Variants in ERBB4 observed in about 807,000 individuals in gnomAD.
The protein encoded by ERBB4 is receptor tyrosine-protein kinase erbB-4.
A neutral mutation model predicts 158.0 loss-of-function variants in ERBB4; 42 were observed. The observed-to-expected ratio is 0.27, with a 90% CI of 0.21 to 0.34. The LOEUF is 0.34. Ranked by LOEUF, ERBB4 falls within the 10% of genes least tolerant of loss-of-function variation. The pLI is 1.00. For synonymous variants in ERBB4, 583 were observed against 558.7 expected (o/e 1.04, Z -0.61); for missense variants, 1,333 against 1,624.1 (o/e 0.82, Z 3.08).
chr2:211,529,065 G>A (rs546038639), intron 20 of ERBB4, among the ~76,000 whole-genome samples: 2 of 150,982 alleles, frequency 1.3e-5, no homozygotes, highest in Non-Finnish European at 1.5e-5. Context: ...AAAAAGTTGG[G>A]TTTTTTTGAA....
intron 1 of ERBB4, among the ~76,000 whole-genome samples, chr2:212,519,056 G>A (rs996381019): frequency 6.6e-6 from 1 of 151,946 alleles, no homozygotes; most frequent in African/African-American, 2.4e-5. Flanking sequence ...ACAGGCACTG[G>A]TGTTCTAATC....
intron 19 of ERBB4, among the ~76,000 whole-genome samples, chr2:211,604,025 C>A (rs2068892267): frequency 6.6e-6 from 1 of 152,172 alleles, no homozygotes; most frequent in Non-Finnish European, 1.5e-5. Flanking sequence ...TTTCTAATCT[C>A]TCAAAATATT....
At chr2:211,548,680 C>T (rs2067004024) in intron 20 of ERBB4, among the ~76,000 whole-genome samples, 1 of 151,956 alleles carries the variant, frequency 6.6e-6, no homozygotes, top group Non-Finnish European at 1.5e-5. Flanking sequence ...CTTACCTGGA[C>T]TCTGTCACCT....
At chr2:212,188,576 GC>G (rs1381408583) in intron 1 of ERBB4, among the ~76,000 whole-genome samples, 1 of 151,750 alleles carries the variant, frequency 6.6e-6, no homozygotes, top group East Asian at 1.9e-4. Flanking sequence ...GGCCTTTAAT[GC>G]AAAGACAATT....
intron 1 of ERBB4, among the ~76,000 whole-genome samples, chr2:212,505,444 ACAATGAGGTCAT>A (rs1691139330): frequency 8.1e-6 from 1 of 124,220 alleles, no homozygotes; most frequent in Non-Finnish European, 2.0e-5. Flanking sequence ...AAGTGAGGAC[ACAATGAGGTCAT>A]ATGTGTAAAA....
chr2:212,260,562 C>T (rs550034185), intron 1 of ERBB4, among the ~76,000 whole-genome samples: 6 of 152,248 alleles, frequency 3.9e-5, no homozygotes, highest in Non-Finnish European at 4.4e-5. Flanking sequence ...CCTGTAATCC[C>T]AGCACTTTGG....
intron 2 of ERBB4, among the ~76,000 whole-genome samples, chr2:212,006,819 T>A (rs55960617): frequency 0.066 from 9,973 of 152,120 alleles, 1,017 homozygotes; most frequent in African/African-American, 0.22. Flanking sequence ...AAGAATTCCA[T>A]TGTCAATGTA....
rs143460905 is a variant in ERBB4, at chr2:211,445,362, G to A, written c.2488-14262C>T. Among the ~76,000 whole-genome samples the A allele has an allele frequency of 7.2e-4, 109 of 152,166 alleles. 1 individual carries two copies. The highest frequency in any genetic ancestry group is 2.5e-3 in the African/African-American group (105 of 41,552). On this transcript the variant is annotated intron_variant, in intron 20 of 27. Coordinates refer to ENST00000342788, the MANE Select transcript of ERBB4 (RefSeq NM_005235.3). Reference sequence around the variant, plus strand: ...TAGGTTAGAGCAGCAGACAGATATGGGACCTTACCAATGAGGTTAAACCAT... The same window carrying A: ...TAGGTTAGAGCAGCAGACAGATATGAGACCTTACCAATGAGGTTAAACCAT...
chr2:212,458,309 G>GT (rs1688403154), intron 1 of ERBB4, among the ~76,000 whole-genome samples: 2 of 152,046 alleles, frequency 1.3e-5, no homozygotes, highest in Non-Finnish European at 2.9e-5. Flanking sequence ...GAAAAAAATG[G>GT]TAAGAATTCT....
chr2:212,461,778 A>G (rs556115571), intron 1 of ERBB4, among the ~76,000 whole-genome samples: 1 of 152,206 alleles, frequency 6.6e-6, no homozygotes, highest in South Asian at 2.1e-4. Context: ...ATGTTGTGGG[A>G]GGGACCTGGT....
intron 19 of ERBB4, among the ~76,000 whole-genome samples, chr2:211,589,494 C>T (rs897892277): frequency 6.6e-5 from 10 of 152,104 alleles, no homozygotes; most frequent in Admixed American, 1.3e-4. Flanking sequence ...ATTTGTAGCC[C>T]GAATGAGTAG....
intron 1 of ERBB4, among the ~76,000 whole-genome samples, chr2:212,385,601 T>A (rs901943492): frequency 7.2e-5 from 11 of 151,858 alleles, no homozygotes; most frequent in Non-Finnish European, 1.0e-4. Flanking sequence ...AGAACTGAAA[T>A]TTTGATTATT....
At chr2:211,421,309 C>T (rs1281380362) in intron 24 of ERBB4, among the ~76,000 whole-genome samples, 3 of 151,670 alleles carry the variant, frequency 2.0e-5, no homozygotes, top group African/African-American at 7.3e-5. Flanking sequence ...GTCAGACTGT[C>T]GATATGAAAA....
intron 1 of ERBB4, chr2:212,125,105 C>CA (rs1464716455): frequency 1.7e-6 from 1 of 596,722 alleles, no homozygotes; most frequent in Non-Finnish European, 3.0e-6. Flanking sequence ...GTGCTAATCA[C>CA]AGAGAGTAGG....
At chr2:211,734,576 A>G (rs1163098755) in intron 5 of ERBB4, among the ~76,000 whole-genome samples, 1 of 151,234 alleles carries the variant, frequency 6.6e-6, no homozygotes, top group Non-Finnish European at 1.5e-5. Context: ...GAATTGGTTA[A>G]GTAAATTATA....
rs1233446017 is a variant in ERBB4 at position 212,191,700 on chromosome 2, CACGTGTTATACATGTTACATAT to C, written c.83-66819_83-66798del. ...CGTGTGTTATACATGTTACATATAA[CACGTGTTATACATGTTACATAT>C]AACACGTGTTATACATGTTACATAT... On this transcript the variant is annotated intron_variant, in intron 1 of 27. Coordinates refer to ENST00000342788, the MANE Select transcript of ERBB4 (RefSeq NM_005235.3). Among the ~76,000 whole-genome samples, 4 of 50,044 alleles carry C rather than the reference CACGTGTTATACATGTTACATAT, an allele frequency of 8.0e-5. No individual in the cohort carries two copies. In the East Asian group the frequency reaches 3.6e-3, roughly 45 times the overall value. 32.8% of individuals were successfully genotyped at this position (50,044 alleles called of 152,430 possible).
At chr2:212,425,411 T>TATATGTATATGTATACATATATATGG (rs2091890853) in intron 1 of ERBB4, among the ~76,000 whole-genome samples, 1 of 116,304 alleles carries the variant, frequency 8.6e-6, no homozygotes, top group Admixed American at 8.6e-5. Flanking sequence ...CATATATATG[T>TATATGTATATGTATACATATATATGG]ATATACACAC....
intron 16 of ERBB4, among the ~76,000 whole-genome samples, chr2:211,632,292 C>A (rs2070172304): frequency 6.6e-6 from 1 of 151,884 alleles, no homozygotes; most frequent in African/African-American, 2.4e-5. Flanking sequence ...TTTGATCATG[C>A]AAGTTAAATA....
At chr2:212,211,048 A>G (rs1438833948) in intron 1 of ERBB4, among the ~76,000 whole-genome samples, 3 of 152,076 alleles carry the variant, frequency 2.0e-5, no homozygotes, top group African/African-American at 7.2e-5. Flanking sequence ...CCAACCCAGT[A>G]AGCTGATGGT....
Sources: gnomAD v4.1 joint callset for allele counts (sites outside exome capture counted in the v4.1 genomes callset) on GRCh38, gnomAD v4.1.1 for gene constraint, MANE v1.5 for transcripts, NCBI Gene and HGNC (gene_info 2026-07-23, HGNC 2026-07-21) for gene names.